Variants in INSC observed in about 807,000 individuals in gnomAD.
INSC encodes INSC spindle orientation adaptor protein, also known as protein inscuteable homolog.
In INSC, 67 loss-of-function variants were observed where a neutral mutation model predicts 58.6. The observed-to-expected ratio is 1.14, with a 90% CI of 0.94 to 1.40. The LOEUF is 1.40. Among genes scored for constraint, INSC ranks in the 40% most tolerant of loss-of-function variants. The probability of loss-of-function intolerance (pLI) is 0.00; values close to 1 mark genes in which losing one functional copy is unlikely to be tolerated. For synonymous variants in INSC, 262 were observed against 276.1 expected (o/e 0.95, Z 0.51); for missense variants, 714 against 692.0 (o/e 1.03, Z -0.36).
intron 8 of INSC, among the ~76,000 whole-genome samples, chr11:15,222,009 A>G (rs1451904004): frequency 6.6e-6 from 1 of 152,116 alleles, no homozygotes; most frequent in Non-Finnish European, 1.5e-5. Context: ...CATTTTTCCT[A>G]AAGTCTCAGT....
At chr11:15,172,575 T>A (rs933823280) in intron 2 of INSC, among the ~76,000 whole-genome samples, 9 of 152,188 alleles carry the variant, frequency 5.9e-5, no homozygotes, top group Non-Finnish European at 1.2e-4. Context: ...GGGGAACTCA[T>A]GAGCTCTGGC....
At chr11:15,195,569 T>C (rs1850342078) in intron 6 of INSC, among the ~76,000 whole-genome samples, 1 of 152,200 alleles carries the variant, frequency 6.6e-6, no homozygotes, top group African/African-American at 2.4e-5. Flanking sequence ...ACCACCTGCC[T>C]GCATTTGTGC....
At chr11:15,219,160 G>A (rs1408927731) in intron 7 of INSC, among the ~76,000 whole-genome samples, 1 of 152,096 alleles carries the variant, frequency 6.6e-6, no homozygotes, top group Non-Finnish European at 1.5e-5. Flanking sequence ...CAATTCTGGT[G>A]GAATAGGTCT....
intron 5 of INSC, among the ~76,000 whole-genome samples, chr11:15,178,790 T>A (rs972456129): frequency 2.6e-5 from 4 of 152,178 alleles, no homozygotes; most frequent in Non-Finnish European, 4.4e-5. Flanking sequence ...AGAGCCTGTG[T>A]CCTGAAGATA....
rs529518368 is a variant in INSC at position 15,158,860 on chromosome 11, G to GTTTTTTTTT, written c.56+9643_56+9651dup. Among the ~76,000 whole-genome samples, 171 of 109,640 alleles carry GTTTTTTTTT rather than the reference G, an allele frequency of 1.6e-3. 8 individuals carry two copies. Among genetic ancestry groups the GTTTTTTTTT allele is most frequent in the Middle Eastern group, 6.0e-3 (1 of 166 alleles). 71.9% of individuals were successfully genotyped at this position (109,640 alleles called of 152,430 possible). Reference sequence around the variant, plus strand: ...ATTATAACCAGATGAATTGTTGGTGGTTTTTTTTTTTTTTTTTTTTTGCCT... The same window carrying GTTTTTTTTT: ...ATTATAACCAGATGAATTGTTGGTGGTTTTTTTTTTTTTTTTTTTTTTTTTTTTTTGCCT... On this transcript the variant is annotated intron_variant, in intron 2 of 12. Coordinates refer to ENST00000379556, the MANE Select transcript of INSC (RefSeq NM_001042536.3).
At chr11:15,162,687 G>A (rs1214375888) in intron 2 of INSC, among the ~76,000 whole-genome samples, 1 of 152,172 alleles carries the variant, frequency 6.6e-6, no homozygotes, top group Non-Finnish European at 1.5e-5. Flanking sequence ...AACAGTTCCT[G>A]GCACCTATTT....
chr11:15,219,528 G>A (rs1237141058), intron 7 of INSC, among the ~76,000 whole-genome samples: 1 of 152,094 alleles, frequency 6.6e-6, no homozygotes, highest in African/African-American at 2.4e-5. Flanking sequence ...TAGGGAGCAG[G>A]CCTGGCAGCC....
At chr11:15,216,714 T>C (rs936660326) in intron 7 of INSC, among the ~76,000 whole-genome samples, 4 of 152,186 alleles carry the variant, frequency 2.6e-5, no homozygotes, top group African/African-American at 9.7e-5. Context: ...GGTTAAACTT[T>C]GGGCCCCAGT....
intron 7 of INSC, among the ~76,000 whole-genome samples, chr11:15,212,125 G>A (rs1186380779): frequency 6.6e-6 from 1 of 151,260 alleles, no homozygotes; most frequent in African/African-American, 2.4e-5. Flanking sequence ...TTTTGGAGAT[G>A]GAGTCTCACT....
intron 2 of INSC, among the ~76,000 whole-genome samples, chr11:15,173,417 G>A (rs1263828982): frequency 6.6e-6 from 1 of 152,164 alleles, no homozygotes; most frequent in Non-Finnish European, 1.5e-5. Flanking sequence ...GGCTGAGATT[G>A]GAAGGGGTGG....
At chr11:15,256,491 A>AGG in the INSC span, among the ~76,000 whole-genome samples, 1 of 141,976 alleles carries the variant, frequency 7.0e-6, no homozygotes, top group Non-Finnish European at 1.5e-5. Flanking sequence ...ATTTCATTTC[A>AGG]TTTTTTTTTT....
intron 1 of INSC, among the ~76,000 whole-genome samples, chr11:15,131,826 G>T (rs1468415724): frequency 1.3e-5 from 2 of 151,866 alleles, no homozygotes; most frequent in African/African-American, 4.8e-5. Flanking sequence ...AGCTATTTTA[G>T]GTCTTTTTGT....
intron 1 of INSC, among the ~76,000 whole-genome samples, chr11:15,128,600 G>A (rs190438213): frequency 6.6e-4 from 100 of 152,276 alleles, no homozygotes; most frequent in African/African-American, 2.3e-3. Context: ...TTTTGGACTT[G>A]GGAAGGGGCA....
intron 2 of INSC, among the ~76,000 whole-genome samples, chr11:15,155,969 C>T (rs951335030): frequency 2.0e-5 from 3 of 152,146 alleles, no homozygotes; most frequent in African/African-American, 7.2e-5. Flanking sequence ...CAGTGACCTT[C>T]TCCAAGTGGT....
chr11:15,260,665 T>G, the INSC span, among the ~76,000 whole-genome samples: 1 of 152,164 alleles, frequency 6.6e-6, no homozygotes, highest in Non-Finnish European at 1.5e-5. Context: ...AAATAGTTAT[T>G]GTGTTATATT....
chr11:15,149,140 G>A lies in INSC; in HGVS notation c.-35G>A, dbSNP rs61877970. 111,447 of 1,607,320 alleles carry A rather than the reference G, an allele frequency of 0.069. 4,238 individuals are homozygous for A. Among genetic ancestry groups the A allele is most frequent in the Non-Finnish European group, 0.077 (90,582 of 1,176,812 alleles). ...GCCCTCTATTTTCAGGGTCACGACC[G>A]CTGCAAGCAGGCTTTGCTGCAGATT... On this transcript the variant is annotated 5_prime_UTR_variant, in exon 2 of 13. Coordinates refer to ENST00000379556, the MANE Select transcript of INSC (RefSeq NM_001042536.3).
upstream of INSC, chr11:15,112,290 A>G: frequency 2.1e-6 from 1 of 472,536 alleles, no homozygotes; most frequent in Non-Finnish European, 3.7e-6. Flanking sequence ...GTCGAGGGGG[A>G]GGAAGCTTCA....
the INSC span, among the ~76,000 whole-genome samples, chr11:15,255,267 ATTAG>A: frequency 6.6e-6 from 1 of 152,222 alleles, no homozygotes; most frequent in Non-Finnish European, 1.5e-5. Flanking sequence ...TTACATTTTA[ATTAG>A]TTAATTCTTA....
At chr11:15,204,391 A>G (rs1850714991) in intron 7 of INSC, among the ~76,000 whole-genome samples, 1 of 152,246 alleles carries the variant, frequency 6.6e-6, no homozygotes, top group South Asian at 2.1e-4. Context: ...TTGTGAGGCC[A>G]GTTTCCATGC....
Sources: allele counts gnomAD v4.1 joint callset (sites outside exome capture counted in the v4.1 genomes callset), GRCh38; gene constraint gnomAD v4.1.1; transcripts MANE v1.5; gene names NCBI Gene and HGNC (gene_info 2026-07-23, HGNC 2026-07-21).